Variants in LNX2 observed in about 807,000 individuals in gnomAD.
LNX2 encodes ligand of numb-protein X 2.
A neutral mutation model predicts 66.2 loss-of-function variants in LNX2; 35 were observed. The ratio of observed to expected loss-of-function variants is 0.53; its 90% CI spans 0.40 to 0.70. LNX2 has a LOEUF of 0.70. LNX2 is among the 30% of genes least tolerant of loss of function. The pLI, the probability that LNX2 is intolerant of heterozygous loss-of-function variation, is 0.00. For synonymous variants in LNX2, 337 were observed against 315.6 expected (o/e 1.07, Z -0.72); for missense variants, 791 against 850.8 (o/e 0.93, Z 0.87).
intron 5 of LNX2, among the ~76,000 whole-genome samples, chr13:27,561,965 C>A (rs1253537878): frequency 6.6e-6 from 1 of 152,156 alleles, no homozygotes; most frequent in Non-Finnish European, 1.5e-5. Context: ...TCCTTAGAAA[C>A]AACAACAAAG....
chr13:27,569,882 G>T (rs559428776), intron 2 of LNX2, among the ~76,000 whole-genome samples: 61 of 152,152 alleles, frequency 4.0e-4, no homozygotes, highest in Non-Finnish European at 8.1e-4. Flanking sequence ...AATTTCAATA[G>T]AATTATTGAT....
intron 1 of LNX2, among the ~76,000 whole-genome samples, chr13:27,587,647 A>T (rs1047542172): frequency 6.6e-6 from 1 of 152,246 alleles, no homozygotes; most frequent in African/African-American, 2.4e-5. Flanking sequence ...AAGGGAAAAA[A>T]GTTTCCTTAC....
chr13:27,583,242 G>T (rs1566124826), intron 1 of LNX2, among the ~76,000 whole-genome samples: 15 of 26,074 alleles, frequency 5.8e-4, no homozygotes, highest in Non-Finnish European at 8.9e-4. Flanking sequence ...GTGTGTGTGT[G>T]TGTGTGTGTG....
Position 27,559,951 on chromosome 13 carries a change from C to T in LNX2, c.1259G>A (p.Arg420Lys), listed in dbSNP as rs1284024112. The T allele has an allele frequency of 6.2e-7, 1 of 1,608,768 alleles. No homozygotes were observed. The highest frequency in any genetic ancestry group is 8.5e-7 in the Non-Finnish European group (1 of 1,177,244). ...SGERVNLTIARPGKPQPGNTI... is the reference protein window; with the variant it reads ...SGERVNLTIAKPGKPQPGNTI... The stretch of plus-strand genomic sequence containing the variant: ...GTTACCAGGCTGGGGTTTCCCTGGT[C>T]TAGCAATTGTTAAATTCACTCTCTC... Residue 420 changes from arginine (R) to lysine (K), a missense_variant, in exon 6 of 10, where the codon AGA becomes AAA. Transcript: ENST00000316334.
chr13:27,557,141 A>C (rs1593239468), intron 6 of LNX2, among the ~76,000 whole-genome samples: 1 of 152,278 alleles, frequency 6.6e-6, no homozygotes, highest in East Asian at 1.9e-4. Context: ...AAAAAATAAG[A>C]TGTACATATG....
chr13:27,559,492 CTT>C (rs1183536462), intron 6 of LNX2, among the ~76,000 whole-genome samples: 3 of 152,086 alleles, frequency 2.0e-5, no homozygotes, highest in Non-Finnish European at 2.9e-5. Flanking sequence ...TCAACTAACT[CTT>C]ATATTTAAAT....
chr13:27,601,546 G>C (rs1369132244), intron 1 of LNX2, among the ~76,000 whole-genome samples: 1 of 152,160 alleles, frequency 6.6e-6, no homozygotes, highest in African/African-American at 2.4e-5. Flanking sequence ...TAACAGTATA[G>C]TTAAGTTCTC....
chr13:27,603,519 C>A (rs778701739), intron 1 of LNX2, among the ~76,000 whole-genome samples: 1 of 152,140 alleles, frequency 6.6e-6, no homozygotes, highest in African/African-American at 2.4e-5. Context: ...CTTACATAAT[C>A]GATGCCATTA....
intron 1 of LNX2, among the ~76,000 whole-genome samples, chr13:27,618,860 C>A (rs1275968838): frequency 6.6e-6 from 1 of 152,134 alleles, no homozygotes; most frequent in Non-Finnish European, 1.5e-5. Context: ...GTACGAAATC[C>A]CAAACCAATC....
intron 7 of LNX2, among the ~76,000 whole-genome samples, chr13:27,555,187 G>A (rs1051265309): frequency 1.3e-5 from 2 of 152,264 alleles, no homozygotes; most frequent in South Asian, 2.1e-4. Flanking sequence ...GGGCTCAAGC[G>A]ATCCACCTGC....
intron 8 of LNX2, 88 bp downstream of exon 8, chr13:27,553,120 C>A: frequency 1.9e-6 from 2 of 1,060,626 alleles, no homozygotes; most frequent in Non-Finnish European, 2.8e-6. Flanking sequence ...TTTTTTTATC[C>A]CAACGAGTAA....
intron 8 of LNX2, among the ~76,000 whole-genome samples, chr13:27,552,984 G>A (rs1416582099): frequency 6.6e-6 from 1 of 152,188 alleles, no homozygotes; most frequent in Non-Finnish European, 1.5e-5. Flanking sequence ...GCCCACTGAG[G>A]AGCCTTGACA....
intron 1 of LNX2, among the ~76,000 whole-genome samples, chr13:27,608,817 G>GTTTTGTTTTA (rs1555270168): frequency 6.6e-6 from 1 of 151,972 alleles, no homozygotes; most frequent in Non-Finnish European, 1.5e-5. Context: ...GTTTTGTTTT[G>GTTTTGTTTTA]GTGGGGGGCC....
intron 2 of LNX2, among the ~76,000 whole-genome samples, chr13:27,572,503 C>T (rs1414262123): frequency 6.6e-6 from 1 of 152,204 alleles, no homozygotes; most frequent in Non-Finnish European, 1.5e-5. Context: ...AGGGAGGGAT[C>T]TGTACATGTA....
rs1352985884 is a variant in LNX2, at chr13:27,547,172, T to C, written c.*1163A>G. The C allele has an allele frequency of 1.3e-5, 2 of 152,216 alleles. No homozygotes were observed. Among genetic ancestry groups the C allele is most frequent in the Admixed American group, 1.3e-4 (2 of 15,278 alleles). The allele number at this position is 152,216 out of a possible 1,614,324, so 9.4% of individuals were successfully genotyped here. ...TATGGTTTTATCTTTATCATTTCGT[T>C]TAATCGCATAAATCACAAAAACATT... On this transcript the variant is annotated 3_prime_UTR_variant, in exon 10 of 10. Coordinates refer to ENST00000316334, the MANE Select transcript of LNX2 (RefSeq NM_153371.4).
intron 1 of LNX2, among the ~76,000 whole-genome samples, chr13:27,607,067 T>C (rs1955724780): frequency 5.3e-5 from 8 of 152,210 alleles, no homozygotes. Context: ...TTATTTCCTA[T>C]CATAAAAATG....
At chr13:27,608,223 G>A (rs987908615) in intron 1 of LNX2, among the ~76,000 whole-genome samples, 2 of 152,142 alleles carry the variant, frequency 1.3e-5, no homozygotes, top group Non-Finnish European at 2.9e-5. Flanking sequence ...TTCTTTACTC[G>A]TAACTGCTAA....
chr13:27,612,106 C>T (rs1955779784), intron 1 of LNX2, among the ~76,000 whole-genome samples: 1 of 152,232 alleles, frequency 6.6e-6, no homozygotes, highest in African/African-American at 2.4e-5. Flanking sequence ...AGAGAAATCA[C>T]AGCAGATCAT....
At chr13:27,556,502 T>C (rs1955062947) in intron 6 of LNX2, 89 bp from the exon 7 acceptor site, 2 of 1,057,316 alleles carry the variant, frequency 1.9e-6, no homozygotes, top group South Asian at 2.9e-5. Context: ...ATAACTTACA[T>C]GGCATTTATA....
Sources: allele counts gnomAD v4.1 joint callset (sites outside exome capture counted in the v4.1 genomes callset), GRCh38; gene constraint gnomAD v4.1.1; transcripts MANE v1.5; gene names NCBI Gene and HGNC (gene_info 2026-07-23, HGNC 2026-07-21).